The following BRSK2 variants were observed in gnomAD, a reference collection of about 807,000 sequenced individuals.
BRSK2 encodes serine/threonine-protein kinase BRSK2.
BRSK2 carries 19 observed loss-of-function variants against 83.3 expected under a neutral mutation model. The observed-to-expected ratio is 0.23, with a 90% CI of 0.16 to 0.33. The LOEUF is 0.33. BRSK2 is among the 10% of genes least tolerant of loss of function. The pLI is 1.00. For missense variants in BRSK2, 798 were observed against 1,042.3 expected (o/e 0.77, Z 3.23); for synonymous variants, 519 against 435.4 (o/e 1.19, Z -2.39).
In BRSK2 at chr11:1,461,239, C is replaced by T; in HGVS notation, c.*516C>T. 1 of 592,338 alleles carries T rather than the reference C, an allele frequency of 1.7e-6. No homozygotes were observed. The highest frequency in any genetic ancestry group is 2.1e-5 in the South Asian group (1 of 47,248). 36.7% of individuals were successfully genotyped at this position (592,338 alleles called of 1,614,324 possible). ...CAGCAAGAACAGCCTGCCTGGTGGCCTTCTGGGGCCAGGACCCCTGGTGGG... is the reference window on the plus strand; with the variant it reads ...CAGCAAGAACAGCCTGCCTGGTGGCTTTCTGGGGCCAGGACCCCTGGTGGG... On this transcript the variant is annotated 3_prime_UTR_variant, in exon 20 of 20. Transcript: ENST00000528841.
intron 1 of BRSK2, among the ~76,000 whole-genome samples, chr11:1,401,090 G>A (rs1404223688): frequency 6.6e-6 from 1 of 152,172 alleles, no homozygotes; most frequent in Non-Finnish European, 1.5e-5. Flanking sequence ...TGGTGGAGCC[G>A]GTCACAGAGC....
intron 16 of BRSK2, among the ~76,000 whole-genome samples, chr11:1,455,613 T>A (rs1393334624): frequency 6.6e-6 from 1 of 151,994 alleles, no homozygotes; most frequent in African/African-American, 2.4e-5. Flanking sequence ...GGCCTCAGAC[T>A]GCACTTGGAC....
chr11:1,416,325 T>G (rs1848094902), intron 1 of BRSK2, among the ~76,000 whole-genome samples: 1 of 152,124 alleles, frequency 6.6e-6, no homozygotes, highest in Non-Finnish European at 1.5e-5. Flanking sequence ...ACTGCAGCAT[T>G]GAGTGTTCTA....
rs1262295078 is a variant in BRSK2, at chr11:1,445,436, C to T, written c.955C>T (p.Leu319=). 4.3e-5 allele frequency: 69 copies of T among 1,611,778 alleles called. No individual in the cohort carries two copies. Among genetic ancestry groups the T allele is most frequent in the Non-Finnish European group, 5.7e-5 (67 of 1,179,668 alleles). ...CTGCTTCCGAGACCGCAACAAGCTG[C>T]TGCAGGACCTGCTGTCCGAGGAGTG... ...LGCFRDRNKL[L]QDLLSEEENQ... The change falls in exon 10 of 20, where the codon CTG becomes TTG. Residue 319 remains leucine (L), a synonymous_variant. Coordinates refer to ENST00000528841, the MANE Select transcript of BRSK2 (RefSeq NM_001256627.2).
At chr11:1,406,444 C>T (rs1030831890) in intron 1 of BRSK2, among the ~76,000 whole-genome samples, 9 of 152,236 alleles carry the variant, frequency 5.9e-5, no homozygotes, top group Admixed American at 2.0e-4. Context: ...TGCACTCCAG[C>T]CTGGGTGATA....
chr11:1,437,392 T>C (rs1464386806), intron 2 of BRSK2, among the ~76,000 whole-genome samples: 1 of 152,202 alleles, frequency 6.6e-6, no homozygotes, highest in Non-Finnish European at 1.5e-5. Context: ...GTGGCCTCAC[T>C]GGCCCCACCA....
intron 1 of BRSK2, among the ~76,000 whole-genome samples, chr11:1,414,923 C>T (rs1365092854): frequency 6.6e-6 from 1 of 152,124 alleles, no homozygotes; most frequent in African/African-American, 2.4e-5. Flanking sequence ...AACGCACTTA[C>T]CTGTGTGGAC....
chr11:1,446,371 A>AGCTGGGCAGG (rs1852124907), intron 12 of BRSK2, among the ~76,000 whole-genome samples: 1 of 121,436 alleles, frequency 8.2e-6, no homozygotes, highest in Admixed American at 8.0e-5. Context: ...GGCTGGGCTG[A>AGCTGGGCAGG]GCTGGGCAGG....
intron 1 of BRSK2, among the ~76,000 whole-genome samples, chr11:1,408,811 TGGTGTG>T (rs1260415995): frequency 0.011 from 1,134 of 107,866 alleles, 15 homozygotes; most frequent in African/African-American, 0.034. Flanking sequence ...TTGCCTGTGC[TGGTGTG>T]TGTGTGTGTG....
chr11:1,444,824 T>C (rs115337369), intron 8 of BRSK2, 147 bp from the exon 9 acceptor site: 11,825 of 720,058 alleles, frequency 0.016, 405 homozygotes, highest in African/African-American at 0.1. Context: ...CCTCCCTATC[T>C]TCCTCCCCAC....
intron 18 of BRSK2, chr11:1,456,907 A>G (rs775534342): frequency 6.5e-5 from 102 of 1,578,028 alleles, no homozygotes; most frequent in Non-Finnish European, 8.1e-5. Context: ...CGCCAGGGAC[A>G]TAGGGCGCAG....
chr11:1,451,973 C>T (rs1289173759), intron 15 of BRSK2, among the ~76,000 whole-genome samples: 1 of 152,062 alleles, frequency 6.6e-6, no homozygotes, highest in African/African-American at 2.4e-5. Context: ...AGACCCCTTC[C>T]CAGCGCCCAG....
intron 1 of BRSK2, among the ~76,000 whole-genome samples, chr11:1,401,612 C>A (rs1040741529): frequency 6.6e-6 from 1 of 152,270 alleles, no homozygotes; most frequent in Non-Finnish European, 1.5e-5. Context: ...TCTGCCCGTC[C>A]TCTCTGGTCT....
In BRSK2 at chr11:1,390,187, T is replaced by G; in HGVS notation, c.-98T>G. The G allele has an allele frequency of 3.5e-6, 2 of 569,324 alleles. No individual in the cohort carries two copies. The highest frequency in any genetic ancestry group is 4.4e-6 in the Non-Finnish European group (2 of 455,186). The allele number at this position is 569,324 out of a possible 1,614,324, so 35.3% of individuals were successfully genotyped here. On this transcript the variant is annotated 5_prime_UTR_variant, in exon 1 of 20. Transcript: ENST00000528841. This position sits in a 1 kb window ranked among gnomAD's most constrained non-coding sequence, Gnocchi z 6.8. Reference sequence around the variant, plus strand: ...GGCCCGCGGGGGCGCCCCGGCCGGGTCGGCGCGGACGGCACTCGGCGGACG... The same window carrying G: ...GGCCCGCGGGGGCGCCCCGGCCGGGGCGGCGCGGACGGCACTCGGCGGACG...
intron 1 of BRSK2, chr11:1,410,850 G>C: frequency 2.0e-6 from 2 of 985,518 alleles, no homozygotes; most frequent in Non-Finnish European, 2.4e-6. Flanking sequence ...GTGGCCTGAG[G>C]AGGAGCTTCA....
intron 1 of BRSK2, among the ~76,000 whole-genome samples, chr11:1,429,579 A>G (rs1441363358): frequency 4.7e-5 from 7 of 148,400 alleles, no homozygotes; most frequent in African/African-American, 1.5e-4. Flanking sequence ...CACTGTGCTC[A>G]GCAGTGAGCG....
At position 1,423,282 on chromosome 11, in the gene BRSK2, A is replaced by G. The variant is rs957365058; in HGVS notation, c.92-12758A>G. Among the ~76,000 whole-genome samples, 7 of 152,098 alleles carry G rather than the reference A, an allele frequency of 4.6e-5. No individual in the cohort carries two copies. The highest frequency in any genetic ancestry group is 8.8e-5 in the Non-Finnish European group (6 of 68,010). ...AACGGCAGAACCAGGGACCCTCCCC[A>G]CTGTCCTGTCCTTAGCGTCTTGAGG... On this transcript the variant is annotated intron_variant, in intron 1 of 19. Coordinates refer to ENST00000528841, the MANE Select transcript of BRSK2 (RefSeq NM_001256627.2). The surrounding 1 kb of genome is among the most constrained non-coding windows in gnomAD (Gnocchi z 6.5).
At chr11:1,402,835 C>A (rs574865035) in intron 1 of BRSK2, among the ~76,000 whole-genome samples, 1 of 152,146 alleles carries the variant, frequency 6.6e-6, no homozygotes, top group East Asian at 1.9e-4. Context: ...GCGGGAGCGG[C>A]GCTGAGCTCG....
chr11:1,421,908 C>T (rs1303585013), intron 1 of BRSK2, among the ~76,000 whole-genome samples: 2 of 148,878 alleles, frequency 1.3e-5, no homozygotes, highest in African/African-American at 4.9e-5. Flanking sequence ...ACCGGGGTCT[C>T]TGCTGGAGAT....
Sources: gnomAD v4.1 joint callset for allele counts (sites outside exome capture counted in the v4.1 genomes callset) on GRCh38, gnomAD v4.1.1 for gene constraint, Gnocchi (gnomAD v3.1) non-coding constraint, MANE v1.5 for transcripts, NCBI Gene and HGNC (gene_info 2026-07-23, HGNC 2026-07-21) for gene names.